The following PPP2R3C variants were observed in gnomAD, a reference collection of about 807,000 sequenced individuals.
PPP2R3C encodes serine/threonine-protein phosphatase 2A regulatory subunit B'' subunit gamma.
PPP2R3C carries 47 observed loss-of-function variants against 63.7 expected under a neutral mutation model. The observed-to-expected ratio is 0.74, with a 90% CI of 0.58 to 0.94. The LOEUF (loss-of-function observed/expected upper bound fraction) is 0.94, where lower values mean the gene tolerates loss of function less well. PPP2R3C is among the 40% of genes least tolerant of loss of function. PPP2R3C has a pLI of 0.00. For missense variants in PPP2R3C, 421 were observed against 518.4 expected, an observed-to-expected ratio of 0.81 and a Z score of 1.82; for synonymous variants, 180 against 177.4, an observed-to-expected ratio of 1.01 and a Z score of -0.12.
intron 12 of PPP2R3C, 80 bp from the exon 13 acceptor site, chr14:35,085,858 T>C (rs1344067330): frequency 1.1e-5 from 12 of 1,141,340 alleles, no homozygotes; most frequent in Non-Finnish European, 1.4e-5. Flanking sequence ...TCAGGGCTGT[T>C]TGCATCCACT....
At chr14:35,107,900 T>C (rs907269195) in intron 5 of PPP2R3C, 13 of 449,414 alleles carry the variant, frequency 2.9e-5, no homozygotes, top group Non-Finnish European at 5.0e-5. Context: ...ACATTAAAAC[T>C]CTTGGTTCAG....
Position 35,107,354 on chromosome 14 carries a change from T to C in PPP2R3C, c.523A>G (p.Ile175Val), listed in dbSNP as rs1343971129. ...GCGACATCATATAAACTGAGTCCTA[T>C]TCTTGTTTGATGAAGCCAAACTGAC... is the stretch of plus-strand genomic sequence containing the variant. ...MRKVWLHQTR[I>V]GLSLYDVAGQ... Residue 175 changes from isoleucine to valine, a missense_variant, in exon 6 of 13, where the codon ATA becomes GTA. Around this residue, in one of 3 missense-constraint regions of PPP2R3C, gnomAD observed 47 missense variants for 102.3 expected, o/e 0.46. Transcript: ENST00000261475. 1 of 1,609,120 alleles carries C rather than the reference T, an allele frequency of 6.2e-7. No homozygotes were observed. The highest frequency in any genetic ancestry group is 8.5e-7 in the Non-Finnish European group (1 of 1,175,424).
At chr14:35,091,038 A>T in intron 11 of PPP2R3C, 32 bp downstream of exon 11, 5 of 1,571,840 alleles carry the variant, frequency 3.2e-6, no homozygotes, top group Non-Finnish European at 4.3e-6. Flanking sequence ...TATCTTAAGG[A>T]ACAATGACTC....
Position 35,091,177 on chromosome 14 carries a change from C to T in PPP2R3C, c.1006G>A (p.Ala336Thr). 1 of 1,611,048 alleles carries T rather than the reference C, an allele frequency of 6.2e-7. No homozygotes were observed. The highest frequency in any genetic ancestry group is 8.5e-7 in the Non-Finnish European group (1 of 1,178,786). Residue 336 changes from alanine (A) to threonine (T), a missense_variant, in exon 11 of 13, where the codon GCA becomes ACA. Transcript: ENST00000261475. ...GCAGGTTCCTTTCTGTTTTCTAATG[C>T]AAGGACAAAGTCCAAGTAGGTCTTA... The part of the protein sequence containing the change: ...DYKTYLDFVL[A>T]LENRKEPAAL...
chr14:35,116,337 G>A (rs2046709205), intron 2 of PPP2R3C, among the ~76,000 whole-genome samples: 1 of 151,792 alleles, frequency 6.6e-6, no homozygotes, highest in African/African-American at 2.4e-5. Flanking sequence ...CTGCTGCCTC[G>A]ATCTCCTGGG....
intron 6 of PPP2R3C, chr14:35,106,503 C>G (rs1428023048): frequency 6.6e-6 from 1 of 152,074 alleles, no homozygotes; most frequent in Non-Finnish European, 1.5e-5. Flanking sequence ...CACCACAGCC[C>G]AGCAAATTTT....
intron 10 of PPP2R3C, among the ~76,000 whole-genome samples, chr14:35,093,015 A>C (rs111235776): frequency 0.11 from 16,266 of 151,940 alleles, 1,074 homozygotes; most frequent in African/African-American, 0.19. Context: ...TCGAGACCAT[A>C]CTGGCTAACA....
intron 6 of PPP2R3C, chr14:35,100,286 A>T (rs2046143445): frequency 6.6e-6 from 1 of 152,208 alleles, no homozygotes; most frequent in African/African-American, 2.4e-5. Flanking sequence ...CTAATTATTC[A>T]TTCATAGATA....
chr14:35,107,192 A>G (rs2046390642), intron 6 of PPP2R3C, 112 bp downstream of exon 6: 2 of 763,472 alleles, frequency 2.6e-6, no homozygotes. Context: ...ACAGACAGAA[A>G]TAAAACAAAG....
At chr14:35,107,482 A>C in intron 5 of PPP2R3C, 108 bp from the exon 6 acceptor site, 1 of 853,570 alleles carries the variant, frequency 1.2e-6, no homozygotes, top group Admixed American at 2.3e-5. Flanking sequence ...AACTCTAAAA[A>C]CATTTCTTCT....
At chr14:35,115,166 T>A (rs2138712676) in intron 2 of PPP2R3C, among the ~76,000 whole-genome samples, 1 of 150,364 alleles carries the variant, frequency 6.7e-6, no homozygotes, top group African/African-American at 2.5e-5. Context: ...TTTTTCTTTT[T>A]CTTTTTTTTT....
chr14:35,094,262 C>T (rs1256204962), intron 10 of PPP2R3C, among the ~76,000 whole-genome samples: 2 of 152,112 alleles, frequency 1.3e-5, no homozygotes, highest in Non-Finnish European at 1.5e-5. Context: ...CCTCAAATTC[C>T]TCAGGTCAAG....
At chr14:35,110,471 T>C in intron 3 of PPP2R3C, 54 bp downstream of exon 3, 5 of 1,203,720 alleles carry the variant, frequency 4.2e-6, no homozygotes, top group Non-Finnish European at 6.1e-6. Flanking sequence ...ATGATTTAAG[T>C]AGCACAAATG....
intron 1 of PPP2R3C, 92 bp downstream of exon 1, chr14:35,121,810 C>A: frequency 1.5e-6 from 2 of 1,377,984 alleles, no homozygotes; most frequent in Non-Finnish European, 1.0e-6. Flanking sequence ...GCGGAAAAGG[C>A]GGCTCCCCCT....
rs1450218433 is a variant in PPP2R3C, at chr14:35,121,952, C to G, written c.8G>C (p.Trp3Ser). The G allele has an allele frequency of 1.2e-6, 2 of 1,614,188 alleles. No individual in the cohort carries two copies. ...TAGGCGCCGACGAAGAACTTCTTTC[C>G]AGTCCATGGCCGACTTCCGCGCAGC... is the stretch of plus-strand genomic sequence containing the variant. MD[W>S]KEVLRRRLAT... Residue 3 changes from tryptophan (W) to serine (S), a missense_variant, in exon 1 of 13, where the codon TGG becomes TCG. By Grantham distance (177) the Trp-to-Ser change is radical. Coordinates refer to ENST00000261475, the MANE Select transcript of PPP2R3C (RefSeq NM_017917.4).
At chr14:35,090,237 GTTTT>G (rs34745484) in intron 11 of PPP2R3C, among the ~76,000 whole-genome samples, 1 of 116,898 alleles carries the variant, frequency 8.6e-6, no homozygotes, top group Non-Finnish European at 1.7e-5. Flanking sequence ...GGTAGTTGTA[GTTTT>G]TTTTTTTTTT....
At chr14:35,104,720 A>G (rs1356343098) in intron 6 of PPP2R3C, among the ~76,000 whole-genome samples, 1 of 152,016 alleles carries the variant, frequency 6.6e-6, no homozygotes, top group African/African-American at 2.4e-5. Flanking sequence ...ATACAGTCAC[A>G]TTCATTTTCT....
At chr14:35,090,237 G>GTTTTTT (rs34745484) in intron 11 of PPP2R3C, among the ~76,000 whole-genome samples, 34 of 116,882 alleles carry the variant, frequency 2.9e-4, no homozygotes, top group South Asian at 8.3e-4. Context: ...GGTAGTTGTA[G>GTTTTTT]TTTTTTTTTT....
intron 1 of PPP2R3C, among the ~76,000 whole-genome samples, chr14:35,120,125 C>T (rs772893620): frequency 6.8e-4 from 99 of 146,126 alleles, no homozygotes; most frequent in Non-Finnish European, 1.2e-3. Context: ...AGGCTTGAGC[C>T]ACCGCGCCCG....
Sources: gnomAD v4.1 joint callset for allele counts (sites outside exome capture counted in the v4.1 genomes callset) on GRCh38, gnomAD v4.1.1 for gene constraint, gnomAD v4.1.1 regional missense constraint, MANE v1.5 for transcripts, NCBI Gene and HGNC (gene_info 2026-07-23, HGNC 2026-07-21) for gene names.